Variants in UNC93A observed in about 807,000 individuals in gnomAD.
UNC93A encodes the protein unc-93 homolog A, also known as N-acetylglucosamine transporter UNC93A.
UNC93A carries 43 observed loss-of-function variants against 47.5 expected under a neutral mutation model. The observed-to-expected ratio is 0.91, with a 90% CI of 0.71 to 1.17. UNC93A has a LOEUF of 1.17. Among genes scored for constraint, UNC93A ranks in the 50% most tolerant of loss-of-function variants. UNC93A has a pLI of 0.00. For missense variants in UNC93A, 605 were observed against 577.6 expected (o/e 1.05, Z -0.49); for synonymous variants, 280 against 258.0 (o/e 1.09, Z -0.82).
Position 167,307,886 on chromosome 6 carries a change from G to A in UNC93A, c.1084G>A (p.Ala362Thr), listed in dbSNP as rs747948251. ...CTCTGGCCTGTGGGGCGTGGCAGAT[G>A]CCGTCTGGCAGACACAAAACAATGG... is the stretch of plus-strand genomic sequence containing the variant. ...VFSGLWGVADAVWQTQNNALY... is the reference protein window; with the variant it reads ...VFSGLWGVADTVWQTQNNALY... Residue 362 changes from alanine to threonine, a missense_variant, in exon 7 of 8, where the codon GCC becomes ACC. Transcript: ENST00000230256. 19 of 1,613,790 alleles carry A rather than the reference G, an allele frequency of 1.2e-5. No individual in the cohort carries two copies. The highest frequency in any genetic ancestry group is 2.2e-5 in the East Asian group (1 of 44,856).
intron 1 of UNC93A, among the ~76,000 whole-genome samples, chr6:167,281,184 G>A (rs1328133382): frequency 5.9e-5 from 9 of 151,598 alleles, no homozygotes; most frequent in Non-Finnish European, 1.0e-4. Flanking sequence ...ACTGAGAGGA[G>A]CCCTAGAAGA....
chr6:167,292,456 C>T (rs1468788913), intron 1 of UNC93A, among the ~76,000 whole-genome samples: 1 of 152,158 alleles, frequency 6.6e-6, no homozygotes, highest in Non-Finnish European at 1.5e-5. Flanking sequence ...TTTCTCCTCT[C>T]ACTGTTGTTG....
chr6:167,303,817 C>A, intron 4 of UNC93A, 102 bp from the exon 5 acceptor site: 2 of 1,109,058 alleles, frequency 1.8e-6, no homozygotes, highest in Non-Finnish European at 2.7e-6. Context: ...TCTGAATTAG[C>A]CCTCCCTCGC....
At chr6:167,273,023 G>C (rs1005805394) in intron 1 of UNC93A, among the ~76,000 whole-genome samples, 2 of 61,774 alleles carry the variant, frequency 3.2e-5, no homozygotes, top group Admixed American at 2.5e-4. Flanking sequence ...CCATAGAATT[G>C]TATTTTTGGT....
intron 1 of UNC93A, among the ~76,000 whole-genome samples, chr6:167,273,083 G>A (rs12527165): frequency 0.15 from 23,115 of 152,196 alleles, 2,062 homozygotes; most frequent in South Asian, 0.29. Flanking sequence ...CAGGCAAGCC[G>A]CTAACGTGAA....
intron 1 of UNC93A, among the ~76,000 whole-genome samples, chr6:167,285,328 C>T (rs749786382): frequency 4.3e-4 from 66 of 151,976 alleles, no homozygotes; most frequent in Non-Finnish European, 7.1e-4. Context: ...GGCAGGATTG[C>T]CATGTAGCCA....
intron 4 of UNC93A, among the ~76,000 whole-genome samples, chr6:167,301,937 CAG>C (rs1778251672): frequency 1.3e-5 from 2 of 152,128 alleles, no homozygotes; most frequent in Admixed American, 6.5e-5. Context: ...CAGGACAACA[CAG>C]AGGAAAATCA....
chr6:167,294,269 G>A (rs1001627935), intron 1 of UNC93A, among the ~76,000 whole-genome samples: 11 of 152,158 alleles, frequency 7.2e-5, no homozygotes, highest in East Asian at 3.9e-4. Context: ...ATCCAGCCCC[G>A]GCGCAAGCAC....
At chr6:167,282,111 G>C (rs1783644000) in intron 1 of UNC93A, among the ~76,000 whole-genome samples, 2 of 152,202 alleles carry the variant, frequency 1.3e-5, no homozygotes, top group Admixed American at 6.5e-5. Flanking sequence ...ATCAGTCTTT[G>C]CAGGGTGGCT....
intron 3 of UNC93A, among the ~76,000 whole-genome samples, chr6:167,296,751 C>G (rs1228861142): frequency 6.6e-6 from 1 of 152,188 alleles, no homozygotes; most frequent in Non-Finnish European, 1.5e-5. Flanking sequence ...CCGACCTTGC[C>G]CTGGTATAAA....
chr6:167,272,342 C>T (rs569085757), intron 1 of UNC93A, among the ~76,000 whole-genome samples: 11 of 152,310 alleles, frequency 7.2e-5, no homozygotes, highest in East Asian at 1.9e-4. Context: ...GTCCCAGTGA[C>T]GTTTAGAGCA....
intron 4 of UNC93A, among the ~76,000 whole-genome samples, chr6:167,301,176 A>G (rs1778230821): frequency 6.6e-6 from 1 of 152,214 alleles, no homozygotes; most frequent in Admixed American, 6.5e-5. Context: ...CTTCATTGCC[A>G]GCTGTCCTCC....
chr6:167,273,181 G>A (rs1413497742), intron 1 of UNC93A, among the ~76,000 whole-genome samples: 2 of 152,154 alleles, frequency 1.3e-5, no homozygotes, highest in Non-Finnish European at 2.9e-5. Flanking sequence ...AGGGAAGCAG[G>A]TCCTTTTACT....
At chr6:167,307,538 T>C (rs1032059074) in intron 6 of UNC93A, among the ~76,000 whole-genome samples, 2 of 146,932 alleles carry the variant, frequency 1.4e-5, no homozygotes, top group African/African-American at 5.2e-5. Flanking sequence ...CAGAGGATGG[T>C]TGAGACAGTT....
At chr6:167,281,532 G>T (rs1783633672) in intron 1 of UNC93A, among the ~76,000 whole-genome samples, 1 of 152,196 alleles carries the variant, frequency 6.6e-6, no homozygotes, top group Non-Finnish European at 1.5e-5. Context: ...GTGAGTTTTA[G>T]ATGCACGTGG....
chr6:167,303,425 A>G (rs1198965570), intron 4 of UNC93A, among the ~76,000 whole-genome samples: 1 of 152,054 alleles, frequency 6.6e-6, no homozygotes, highest in Admixed American at 6.6e-5. Context: ...TAGTTCAGAT[A>G]CCCCTTAATA....
chr6:167,294,443 C>A, intron 1 of UNC93A, 74 bp from the exon 2 acceptor site: 1 of 1,548,644 alleles, frequency 6.5e-7, no homozygotes, highest in Non-Finnish European at 8.8e-7. Context: ...GCCTGGGGGA[C>A]ACTGAGGACC....
chr6:167,306,089 G>C, intron 6 of UNC93A, 39 bp downstream of exon 6: 1 of 1,609,594 alleles, frequency 6.2e-7, no homozygotes, highest in Non-Finnish European at 8.5e-7. Flanking sequence ...CTGTCATAAC[G>C]ATTTGCAGTA....
intron 1 of UNC93A, among the ~76,000 whole-genome samples, chr6:167,273,981 C>T (rs1390089837): frequency 6.6e-6 from 1 of 152,028 alleles, no homozygotes; most frequent in African/African-American, 2.4e-5. Context: ...TGGAGTATTT[C>T]CTGGATGAGG....
Sources: gnomAD v4.1 joint callset for allele counts (sites outside exome capture counted in the v4.1 genomes callset) on GRCh38, gnomAD v4.1.1 for gene constraint, MANE v1.5 for transcripts, NCBI Gene and HGNC (gene_info 2026-07-23, HGNC 2026-07-21) for gene names.